Variants in GGNBP2 observed in about 807,000 individuals in gnomAD.
GGNBP2 encodes the protein gametogenetin binding protein 2.
GGNBP2 carries 10 observed loss-of-function variants against 85.9 expected under a neutral mutation model. The observed-to-expected ratio is 0.12, with a 90% CI of 0.07 to 0.20. The LOEUF (loss-of-function observed/expected upper bound fraction) is 0.20. Ranked by LOEUF, GGNBP2 falls within the 10% of genes least tolerant of loss-of-function variation. GGNBP2 has a pLI of 1.00. For missense variants in GGNBP2, 595 were observed against 857.8 expected, an observed-to-expected ratio of 0.69 and a Z score of 3.83; for synonymous variants, 287 against 285.7, an observed-to-expected ratio of 1.00 and a Z score of -0.05.
chr17:36,556,951 T>G, intron 3 of GGNBP2, 132 bp from the exon 4 acceptor site: 2 of 988,706 alleles, frequency 2.0e-6, no homozygotes. Flanking sequence ...CCTTTCTGAC[T>G]CAGTTGCAGG....
intron 9 of GGNBP2, chr17:36,582,067 T>C (rs2074656671): frequency 6.6e-6 from 1 of 152,128 alleles, no homozygotes; most frequent in East Asian, 1.9e-4. Context: ...ATTGTAGAGA[T>C]GGCGTTTTAC....
Position 36,545,654 on chromosome 17 carries a change from G to A in GGNBP2, c.-71G>A. 2 of 1,261,052 alleles carry A rather than the reference G, an allele frequency of 1.6e-6. No homozygotes were observed. The highest frequency in any genetic ancestry group is 1.3e-5 in the South Asian group (1 of 77,924). 78.1% of individuals were successfully genotyped at this position (1,261,052 alleles called of 1,614,324 possible). On this transcript the variant is annotated 5_prime_UTR_variant, in exon 2 of 14. Coordinates refer to ENST00000613102, the MANE Select transcript of GGNBP2 (RefSeq NM_024835.5). Reference sequence around the variant, plus strand: ...GGAGGAGGCGGCAGCGGCGGCGGCAGAAACAGCAGCGGCGGCGGCGGCGGC... The same window carrying A: ...GGAGGAGGCGGCAGCGGCGGCGGCAAAAACAGCAGCGGCGGCGGCGGCGGC...
intron 3 of GGNBP2, among the ~76,000 whole-genome samples, chr17:36,556,726 A>G (rs952679973): frequency 6.7e-6 from 1 of 148,682 alleles, no homozygotes; most frequent in Non-Finnish European, 1.5e-5. Flanking sequence ...AAACAAACTT[A>G]AAAAAAAGGT....
chr17:36,558,003 T>C (rs2074379652), intron 4 of GGNBP2, among the ~76,000 whole-genome samples: 1 of 152,050 alleles, frequency 6.6e-6, no homozygotes, highest in Non-Finnish European at 1.5e-5. Context: ...TCACAGCTAT[T>C]CAGGAGGCTG....
At chr17:36,568,982 C>G (rs1555606331) in intron 6 of GGNBP2, among the ~76,000 whole-genome samples, 1 of 152,080 alleles carries the variant, frequency 6.6e-6, no homozygotes, top group Non-Finnish European at 1.5e-5. Flanking sequence ...TCTCAGTCTC[C>G]TGACTTGTGA....
At chr17:36,562,953 CAAAAAAAAAAAAA>C (rs34799358) in intron 5 of GGNBP2, among the ~76,000 whole-genome samples, 9 of 40,542 alleles carry the variant, frequency 2.2e-4, no homozygotes, top group East Asian at 8.8e-4. Flanking sequence ...GACTCTGTCT[CAAAAAAAAAAAAA>C]AAAAAAAAAA....
intron 4 of GGNBP2, 38 bp downstream of exon 4, chr17:36,557,374 A>C: frequency 6.5e-7 from 1 of 1,548,344 alleles, no homozygotes; most frequent in Non-Finnish European, 8.9e-7. Flanking sequence ...GGTTTGTTAA[A>C]ATTTAAAACA....
At chr17:36,565,399 A>G (rs1004325700) in intron 5 of GGNBP2, among the ~76,000 whole-genome samples, 1 of 152,216 alleles carries the variant, frequency 6.6e-6, no homozygotes, top group Non-Finnish European at 1.5e-5. Flanking sequence ...CATAAGGTCT[A>G]GAATGTTTAT....
chr17:36,559,717 C>A (rs2074398828), intron 4 of GGNBP2, among the ~76,000 whole-genome samples: 1 of 152,108 alleles, frequency 6.6e-6, no homozygotes, highest in South Asian at 2.1e-4. Context: ...ATTTAGGAGG[C>A]CAGCTATTGC....
chr17:36,582,873 A>G (rs2074664518), intron 9 of GGNBP2, among the ~76,000 whole-genome samples: 1 of 152,184 alleles, frequency 6.6e-6, no homozygotes, highest in Admixed American at 6.5e-5. Flanking sequence ...GGTTATACTT[A>G]CCAATATTTA....
chr17:36,556,486 A>C lies in GGNBP2; in HGVS notation c.175-597A>C, dbSNP rs896365441. ...TTTGGGAGGCTGAGGCGGGTGGATC[A>C]CAAGGTCAAAAGATCAAGACCATCC... is the stretch of plus-strand genomic sequence containing the variant. On this transcript the variant is annotated intron_variant, in intron 3 of 13. Transcript: ENST00000613102. Among the ~76,000 whole-genome samples the C allele has an allele frequency of 2.6e-5, 4 of 152,156 alleles. No individual in the cohort carries two copies. The South Asian group carries it at 8.3e-4, about 32-fold the overall frequency.
In GGNBP2 at chr17:36,580,861, G is replaced by A. The variant is rs1421603905; in HGVS notation, c.1021-483G>A. Reference sequence around the variant, plus strand: ...TTGAACCTGGGTGGTAGAGGTTGCAGTGAACTGAGATGGTGCCACTGTACT... The same window carrying A: ...TTGAACCTGGGTGGTAGAGGTTGCAATGAACTGAGATGGTGCCACTGTACT... On this transcript the variant is annotated intron_variant, in intron 8 of 13. Transcript: ENST00000613102. Among the ~76,000 whole-genome samples the A allele has an allele frequency of 7.2e-5, 11 of 152,082 alleles. No homozygotes were observed. The East Asian group carries it at 1.9e-3, about 27-fold the overall frequency.
intron 9 of GGNBP2, among the ~76,000 whole-genome samples, chr17:36,583,709 C>G (rs190954709): frequency 3.3e-5 from 5 of 152,076 alleles, no homozygotes; most frequent in African/African-American, 1.2e-4. Flanking sequence ...GCAGTCTGCC[C>G]GCTTCTGCCT....
At chr17:36,556,855 G>T (rs2074367122) in intron 3 of GGNBP2, among the ~76,000 whole-genome samples, 1 of 133,060 alleles carries the variant, frequency 7.5e-6, no homozygotes, top group South Asian at 2.4e-4. Context: ...GGCATCCTAA[G>T]CAGAGTTGTT....
chr17:36,586,746 G>A (rs1429036517), intron 12 of GGNBP2: 1 of 390,894 alleles, frequency 2.6e-6, no homozygotes, highest in Non-Finnish European at 4.7e-6. Flanking sequence ...AGCTTCCTGA[G>A]TAGCTGGGAT....
chr17:36,555,400 T>C (rs1164575667), intron 3 of GGNBP2, among the ~76,000 whole-genome samples: 1 of 152,106 alleles, frequency 6.6e-6, no homozygotes, highest in Non-Finnish European at 1.5e-5. Context: ...TTATACAAAA[T>C]GATATAGTAA....
At position 36,577,991 on chromosome 17, in the gene GGNBP2, C is replaced by T. The variant is rs773416024; in HGVS notation, c.650C>T (p.Thr217Ile). 1.2e-6 allele frequency: 2 copies of T among 1,613,284 alleles called. No homozygotes were observed. The highest frequency in any genetic ancestry group is 1.1e-5 in the South Asian group (1 of 91,058). Residue 217 changes from threonine to isoleucine, a missense_variant, in exon 7 of 14, where the codon ACT becomes ATT. Around this residue, in one of 9 missense-constraint regions of GGNBP2, gnomAD observed 216 missense variants for 293.4 expected, o/e 0.74. Coordinates refer to ENST00000613102, the MANE Select transcript of GGNBP2 (RefSeq NM_024835.5). ...ETYLRKHRFC[T>I]DCKNKVLRAY... ...GTTTTTCTTTTCAACAGGTTTTGCACTGATTGCAAAAATAAAGTCCTCCGA... is the reference window on the plus strand; with the variant it reads ...GTTTTTCTTTTCAACAGGTTTTGCATTGATTGCAAAAATAAAGTCCTCCGA...
intron 1 of GGNBP2, 127 bp from the exon 2 acceptor site, chr17:36,545,492 G>A (rs1037578176): frequency 1.1e-5 from 5 of 441,186 alleles, no homozygotes; most frequent in African/African-American, 2.1e-5. Context: ...GGCTGAGCGT[G>A]TGTGGAATCG....
intron 6 of GGNBP2, 111 bp from the exon 7 acceptor site, chr17:36,577,872 T>A: frequency 1.2e-6 from 1 of 806,764 alleles, no homozygotes; most frequent in Non-Finnish European, 2.1e-6. Context: ...TATGGAGGCT[T>A]ATTTTGGATG....
Sources: gnomAD v4.1 joint callset for allele counts (sites outside exome capture counted in the v4.1 genomes callset) on GRCh38, gnomAD v4.1.1 for gene constraint, gnomAD v4.1.1 regional missense constraint, MANE v1.5 for transcripts, NCBI Gene and HGNC (gene_info 2026-07-23, HGNC 2026-07-21) for gene names.